ILDR2: variants seen among roughly 807,000 people sequenced by gnomAD.
The protein encoded by ILDR2 is immunoglobulin-like domain-containing receptor 2.
In ILDR2, 25 loss-of-function variants were observed where a neutral mutation model predicts 66.8. That is an observed-to-expected ratio of 0.37 (90% CI 0.27 to 0.52). The LOEUF is 0.52. Among genes scored for constraint, ILDR2 ranks in the 20% least tolerant of loss-of-function variants. The probability of loss-of-function intolerance (pLI) is 0.88; values close to 1 mark genes in which losing one functional copy is unlikely to be tolerated. For synonymous variants in ILDR2, 367 were observed against 357.2 expected, an observed-to-expected ratio of 1.03 and a Z score of -0.31; for missense variants, 827 against 876.8, an observed-to-expected ratio of 0.94 and a Z score of 0.72.
In ILDR2 at chr1:166,909,812, T is replaced by C. The variant is rs1274288736; in HGVS notation, c.*9543A>G. The C allele has an allele frequency of 7.9e-5, 11 of 138,514 alleles. No individual in the cohort carries two copies. The Admixed American group carries it at 8.0e-4, about 10-fold the overall frequency. 8.6% of individuals were successfully genotyped at this position (138,514 alleles called of 1,614,324 possible). The stretch of plus-strand genomic sequence containing the variant: ...ATATATATATATATATATATCCTTC[T>C]AGCTTTGCTCTACTGGACATTAACG... On this transcript the variant is annotated 3_prime_UTR_variant, in exon 10 of 10. Coordinates refer to ENST00000271417, the MANE Select transcript of ILDR2 (RefSeq NM_199351.3).
intron 2 of ILDR2, among the ~76,000 whole-genome samples, chr1:166,899,317 T>C (rs1253058854): frequency 2.7e-5 from 4 of 149,042 alleles, no homozygotes; most frequent in African/African-American, 9.9e-5. Context: ...TGCTTGAACC[T>C]GGGAGGCAGA....
intron 3 of ILDR2, among the ~76,000 whole-genome samples, chr1:166,947,810 C>T (rs1661724197): frequency 6.6e-6 from 1 of 152,090 alleles, no homozygotes; most frequent in African/African-American, 2.4e-5. Flanking sequence ...GAGTTTCCTC[C>T]CACAGTGATG....
intron 6 of ILDR2, among the ~76,000 whole-genome samples, chr1:166,934,892 A>G (rs1434975586): frequency 6.6e-6 from 1 of 152,166 alleles, no homozygotes; most frequent in African/African-American, 2.4e-5. Context: ...GCATCTGATT[A>G]TCCTAATAAA....
intron 2 of ILDR2, among the ~76,000 whole-genome samples, chr1:166,899,045 G>A (rs903041802): frequency 4.7e-5 from 7 of 150,014 alleles, no homozygotes; most frequent in African/African-American, 7.4e-5. Context: ...GGGTGACAAC[G>A]CAAGACCCTT....
At chr1:166,934,209 T>C (rs1415194715) in intron 6 of ILDR2, among the ~76,000 whole-genome samples, 1 of 151,944 alleles carries the variant, frequency 6.6e-6, no homozygotes, top group Non-Finnish European at 1.5e-5. Context: ...CACCTATACC[T>C]CCTACCTACC....
At chr1:166,967,844 G>A (rs1663052653) in intron 1 of ILDR2, among the ~76,000 whole-genome samples, 2 of 152,112 alleles carry the variant, frequency 1.3e-5, no homozygotes, top group South Asian at 2.1e-4. Flanking sequence ...CAGAAACTTG[G>A]AGGCACTTTG....
Position 166,920,721 on chromosome 1 carries a change from GCTC to G in ILDR2, c.1867_1869del (p.Glu623del), listed in dbSNP as rs1447808874. 23 of 1,423,624 alleles carry G rather than the reference GCTC, an allele frequency of 1.6e-5. No individual in the cohort carries two copies. Among genetic ancestry groups the G allele is most frequent in the Non-Finnish European group, 2.1e-5 (23 of 1,084,978 alleles). 88.2% of individuals were successfully genotyped at this position (1,423,624 alleles called of 1,614,324 possible). A position where few individuals can be genotyped will look rare whatever the true frequency, so the allele number is the denominator to read the frequency against. ...CGCAGTCTCACGGTTTTCTTGGCGG[GCTC>G]CTTTTTCCTCTTCTTCTCCGAGTTG... On this transcript the variant is annotated inframe_deletion, in exon 9 of 10. Coordinates refer to ENST00000271417, the MANE Select transcript of ILDR2 (RefSeq NM_199351.3).
In ILDR2 at chr1:166,909,781, T is replaced by TATAAATATATATAAA. The variant is rs1557921377; in HGVS notation, c.*9573_*9574insTTTATATATATTTAT. The TATAAATATATATAAA allele has an allele frequency of 1.6e-5, 1 of 64,246 alleles. No individual in the cohort carries two copies. Among genetic ancestry groups the TATAAATATATATAAA allele is most frequent in the African/African-American group, 6.9e-5 (1 of 14,428 alleles). 4.0% of individuals were successfully genotyped at this position (64,246 alleles called of 1,614,324 possible). On this transcript the variant is annotated 3_prime_UTR_variant, in exon 10 of 10. Transcript: ENST00000271417. Reference sequence around the variant, plus strand: ...TATAAATATATATAAATATATATATTTATATATATATATATATATATATAT... The same window carrying TATAAATATATATAAA: ...TATAAATATATATAAATATATATATTATAAATATATATAAATATATATATATATATATATATATAT...
chr1:166,926,945 A>G (rs1331003032), intron 7 of ILDR2, 122 bp downstream of exon 7: 1 of 598,644 alleles, frequency 1.7e-6, no homozygotes, highest in Non-Finnish European at 2.9e-6. Flanking sequence ...TAGTGTCACC[A>G]GCACCCCTGC....
intron 3 of ILDR2, among the ~76,000 whole-genome samples, chr1:166,955,991 C>T (rs1662257840): frequency 6.6e-6 from 1 of 152,152 alleles, no homozygotes; most frequent in African/African-American, 2.4e-5. Flanking sequence ...CTTGTTCAAA[C>T]AACATTAATA....
rs1020475497 is a variant in ILDR2, at chr1:166,957,775, C to T, written c.373G>A (p.Val125Ile). Reference sequence around the variant, plus strand: ...AAAATAGGGGCATTATTACCATGAACAATCGTGATCTCTCTGCCCCTGTAG... The same window carrying T: ...AAAATAGGGGCATTATTACCATGAATAATCGTGATCTCTCTGCCCCTGTAG... ...DFYRGREITI[V>I]HDADLQIGKL... The change falls in exon 2 of 10, where the codon GTT becomes ATT. Residue 125 changes from valine (V) to isoleucine (I), a missense_variant. Val to Ile is a conservative substitution (Grantham distance 29, BLOSUM62 3). Coordinates refer to ENST00000271417, the MANE Select transcript of ILDR2 (RefSeq NM_199351.3). The T allele has an allele frequency of 2.2e-5, 35 of 1,606,314 alleles. No homozygotes were observed. Among genetic ancestry groups the T allele is most frequent in the Non-Finnish European group, 2.9e-5 (34 of 1,174,004 alleles).
At chr1:166,960,026 T>C (rs749611813) in intron 1 of ILDR2, among the ~76,000 whole-genome samples, 7 of 152,160 alleles carry the variant, frequency 4.6e-5, no homozygotes, top group Non-Finnish European at 1.0e-4. Context: ...AGCTAAAGCA[T>C]AAACTTATTT....
rs1393108745 is a variant in ILDR2, at chr1:166,915,633, C to T, written c.*3722G>A. On this transcript the variant is annotated 3_prime_UTR_variant, in exon 10 of 10. Coordinates refer to ENST00000271417, the MANE Select transcript of ILDR2 (RefSeq NM_199351.3). ...TCATTAATGGCAGTGATGGTTTCTT[C>T]ACCTATTAAAAAAAATTGGGTGAGG... The T allele has an allele frequency of 6.6e-6, 1 of 152,128 alleles. No individual in the cohort carries two copies. The highest frequency in any genetic ancestry group is 1.5e-5 in the Non-Finnish European group (1 of 68,044). 9.4% of individuals were successfully genotyped at this position (152,128 alleles called of 1,614,324 possible).
At chr1:166,906,868 T>C (rs1268007731), downstream of ILDR2, among the ~76,000 whole-genome samples, 1 of 152,216 alleles carries the variant, frequency 6.6e-6, no homozygotes, top group Non-Finnish European at 1.5e-5. Flanking sequence ...CCCTCACGAA[T>C]AAACTGTGTG....
chr1:166,897,716 A>G (rs1329674868), intron 2 of ILDR2, among the ~76,000 whole-genome samples: 1 of 152,216 alleles, frequency 6.6e-6, no homozygotes, highest in African/African-American at 2.4e-5. Context: ...AATGTCCTGG[A>G]AGAGTGACAC....
intron 3 of ILDR2, 148 bp downstream of exon 3, chr1:166,956,585 G>C: frequency 2.6e-6 from 2 of 773,464 alleles, no homozygotes; most frequent in South Asian, 2.3e-5. Context: ...TGCTCATAAA[G>C]AGCATATTCT....
At position 166,911,723 on chromosome 1, in the gene ILDR2, T is replaced by C. The variant is rs1458598696; in HGVS notation, c.*7632A>G. On this transcript the variant is annotated 3_prime_UTR_variant, in exon 10 of 10. Transcript: ENST00000271417. ...ATGTAAATTTGAAAAAGAACTAAACTCCTAGAAATGAAATACATATTAATT... is the reference window on the plus strand; with the variant it reads ...ATGTAAATTTGAAAAAGAACTAAACCCCTAGAAATGAAATACATATTAATT... 6.7e-6 allele frequency: 1 copy of C among 148,938 alleles called. No homozygotes were observed. Among genetic ancestry groups the C allele is most frequent in the Admixed American group, 6.7e-5 (1 of 15,026 alleles). 9.2% of individuals were successfully genotyped at this position (148,938 alleles called of 1,614,324 possible). A position where few individuals can be genotyped will look rare whatever the true frequency, so the allele number is the denominator to read the frequency against.
At chr1:166,902,438 C>A (rs1389795869) in intron 2 of ILDR2, among the ~76,000 whole-genome samples, 2 of 152,214 alleles carry the variant, frequency 1.3e-5, no homozygotes, top group African/African-American at 4.8e-5. Flanking sequence ...CTAAGCCAAT[C>A]AGAGGGCAGT....
At chr1:166,924,574 T>G (rs1157586896) in intron 7 of ILDR2, among the ~76,000 whole-genome samples, 1 of 152,216 alleles carries the variant, frequency 6.6e-6, no homozygotes, top group South Asian at 2.1e-4. Context: ...AAACTTCGTT[T>G]TGTAAAGGGC....
Sources: gnomAD v4.1 joint callset for allele counts (sites outside exome capture counted in the v4.1 genomes callset) on GRCh38, gnomAD v4.1.1 for gene constraint, MANE v1.5 for transcripts, NCBI Gene and HGNC (gene_info 2026-07-23, HGNC 2026-07-21) for gene names.